Variants in C3orf49 observed in about 807,000 individuals in gnomAD.
C3orf49 encodes chromosome 3 open reading frame 49, also known as putative uncharacterized protein C3orf49.
C3orf49 carries 27 observed loss-of-function variants against 13.3 expected under a neutral mutation model. That is an observed-to-expected ratio of 2.02 (90% CI 1.49 to 2.79). The LOEUF is 2.79. C3orf49 is among the 30% of genes most tolerant of loss of function. C3orf49 has a pLI of 0.00. For synonymous variants in C3orf49, 87 were observed against 47.6 expected (o/e 1.83, Z -3.40); for missense variants, 242 against 134.2 (o/e 1.80, Z -3.97).
intron 5 of C3orf49, among the ~76,000 whole-genome samples, chr3:63,837,028 AC>A (rs1701648910): frequency 6.6e-6 from 1 of 151,942 alleles, no homozygotes; most frequent in South Asian, 2.1e-4. Flanking sequence ...CCAAAACTTC[AC>A]CATACACATT....
chr3:63,817,894 AC>A (rs1394173939), upstream of C3orf49, among the ~76,000 whole-genome samples: 8 of 152,216 alleles, frequency 5.3e-5, no homozygotes, highest in African/African-American at 1.7e-4. Flanking sequence ...TTGATGAAAT[AC>A]AACAGAATTA....
chr3:63,846,208 C>G (rs1701890557), intron 6 of C3orf49: 1 of 451,432 alleles, frequency 2.2e-6, no homozygotes, highest in Admixed American at 2.4e-5. Flanking sequence ...GTCTGAATTG[C>G]CTTTCTTCCC....
chr3:63,835,389 C>G, intron 5 of C3orf49: 4 of 1,612,892 alleles, frequency 2.5e-6, no homozygotes, highest in Non-Finnish European at 3.4e-6. Context: ...GCCTCTAGTT[C>G]CCTGGAAATA....
chr3:63,801,359 C>T, the C3orf49 span, among the ~76,000 whole-genome samples: 9 of 150,522 alleles, frequency 6.0e-5, no homozygotes, highest in South Asian at 2.1e-4. Flanking sequence ...GATACATACA[C>T]GGTGAAAAAA....
At chr3:63,847,268 C>G (rs991960620) in intron 6 of C3orf49, among the ~76,000 whole-genome samples, 1 of 152,052 alleles carries the variant, frequency 6.6e-6, no homozygotes, top group Non-Finnish European at 1.5e-5. Flanking sequence ...GAAAAATAAC[C>G]AAATTTCCTT....
At chr3:63,784,525 A>C in the C3orf49 span, among the ~76,000 whole-genome samples, 1,390 of 152,336 alleles carry the variant, frequency 9.1e-3, 38 homozygotes, top group East Asian at 0.059. Flanking sequence ...AAGATAATGC[A>C]TACAGCTGAC....
At chr3:63,817,711 C>T (rs1701341079), upstream of C3orf49, among the ~76,000 whole-genome samples, 1 of 152,106 alleles carries the variant, frequency 6.6e-6, no homozygotes, top group African/African-American at 2.4e-5. Flanking sequence ...TTCAGGACTC[C>T]TTTGGGAACC....
At chr3:63,805,702 C>T in the C3orf49 span, among the ~76,000 whole-genome samples, 366 of 152,308 alleles carry the variant, frequency 2.4e-3, 1 homozygote, top group African/African-American at 7.6e-3. Context: ...TCTTATAAAA[C>T]GAGCAGTAAG....
intron 5 of C3orf49, among the ~76,000 whole-genome samples, chr3:63,836,567 G>A (rs1266240675): frequency 6.6e-6 from 1 of 151,874 alleles, no homozygotes; most frequent in Non-Finnish European, 1.5e-5. Flanking sequence ...AGGGGTTTTA[G>A]CTCCCACTTT....
chr3:63,826,248 C>T (rs1701463552), intron 2 of C3orf49, among the ~76,000 whole-genome samples: 1 of 152,158 alleles, frequency 6.6e-6, no homozygotes, highest in African/African-American at 2.4e-5. Flanking sequence ...TAAAAGATAG[C>T]TTTGGTTATC....
At chr3:63,809,354 T>A in the C3orf49 span, among the ~76,000 whole-genome samples, 1 of 152,244 alleles carries the variant, frequency 6.6e-6, no homozygotes, top group Non-Finnish European at 1.5e-5. Context: ...GACAAATTTA[T>A]GCTGTTTTAA....
upstream of C3orf49, among the ~76,000 whole-genome samples, chr3:63,815,752 T>TTTTTC (rs1268934694): frequency 3.3e-5 from 5 of 151,730 alleles, no homozygotes; most frequent in East Asian, 1.9e-4. Flanking sequence ...TTTGTTTGTT[T>TTTTTC]TTTTCTTTTC....
At chr3:63,799,045 G>C in the C3orf49 span, among the ~76,000 whole-genome samples, 2 of 152,132 alleles carry the variant, frequency 1.3e-5, no homozygotes, top group Admixed American at 1.3e-4. Context: ...TTAGGTGGGT[G>C]AGCTGCCATG....
upstream of C3orf49, among the ~76,000 whole-genome samples, chr3:63,816,422 C>G (rs1701324847): frequency 6.6e-6 from 1 of 152,028 alleles, no homozygotes; most frequent in Admixed American, 6.6e-5. Flanking sequence ...GAAACCTCGT[C>G]TCTACTAAAA....
the C3orf49 span, among the ~76,000 whole-genome samples, chr3:63,785,104 G>C: frequency 5.3e-5 from 5 of 94,074 alleles, no homozygotes; most frequent in Non-Finnish European, 9.4e-5. Context: ...ACAGTGTCTT[G>C]CTCTGTCACC....
At chr3:63,800,003 T>A in the C3orf49 span, among the ~76,000 whole-genome samples, 2 of 152,174 alleles carry the variant, frequency 1.3e-5, no homozygotes, top group Non-Finnish European at 2.9e-5. Context: ...ACTTAAGGAT[T>A]AGGTTGGGTC....
chr3:63,781,394 C>A, the C3orf49 span, among the ~76,000 whole-genome samples: 1 of 152,000 alleles, frequency 6.6e-6, no homozygotes, highest in Non-Finnish European at 1.5e-5. Flanking sequence ...TTACTGTAGC[C>A]TTGTAGCATA....
the C3orf49 span, chr3:63,779,741 T>G: frequency 6.6e-6 from 1 of 152,158 alleles, no homozygotes; most frequent in Non-Finnish European, 1.5e-5. Context: ...AGAAACTCAG[T>G]CTGTGGAGGA....
At chr3:63,843,187 C>T (rs372152648) in intron 5 of C3orf49, among the ~76,000 whole-genome samples, 3 of 152,070 alleles carry the variant, frequency 2.0e-5, no homozygotes, top group Admixed American at 2.0e-4. Flanking sequence ...GGCATGATCT[C>T]GGCTTACTGC....
Sources: allele counts gnomAD v4.1 joint callset (sites outside exome capture counted in the v4.1 genomes callset), GRCh38; gene constraint gnomAD v4.1.1; transcripts MANE v1.5; gene names NCBI Gene and HGNC (gene_info 2026-07-23, HGNC 2026-07-21).